SNX7: variants seen among roughly 807,000 people sequenced by gnomAD.
SNX7 encodes the protein sorting nexin 7, also known as sorting nexin-7.
SNX7 carries 35 observed loss-of-function variants against 48.4 expected under a neutral mutation model. The observed-to-expected ratio is 0.72, with a 90% CI of 0.55 to 0.96. The LOEUF (loss-of-function observed/expected upper bound fraction) is 0.96, where lower values mean the gene tolerates loss of function less well. Ranked by LOEUF, SNX7 falls within the 40% of genes least tolerant of loss-of-function variation. SNX7 has a pLI of 0.00. For missense variants in SNX7, 553 were observed against 548.9 expected, an observed-to-expected ratio of 1.01 and a Z score of -0.07; for synonymous variants, 190 against 190.2, an observed-to-expected ratio of 1.00 and a Z score of 0.01.
intron 7 of SNX7, among the ~76,000 whole-genome samples, chr1:98,720,789 C>T (rs1221351634): frequency 2.0e-5 from 3 of 152,024 alleles, no homozygotes; most frequent in Non-Finnish European, 4.4e-5. Flanking sequence ...ATTTGTTTTA[C>T]AGTATGTTGC....
At chr1:98,717,528 C>A (rs1652652961) in intron 7 of SNX7, among the ~76,000 whole-genome samples, 1 of 152,036 alleles carries the variant, frequency 6.6e-6, no homozygotes, top group African/African-American at 2.4e-5. Flanking sequence ...ATATCTAATC[C>A]CAGAACAATC....
At chr1:98,684,751 C>A in intron 1 of SNX7, 134 bp from the exon 2 acceptor site, 1 of 538,476 alleles carries the variant, frequency 1.9e-6, no homozygotes, top group Non-Finnish European at 3.0e-6. Context: ...AATACATGTT[C>A]AGTATACCAC....
At chr1:98,687,086 A>G (rs981909772) in intron 2 of SNX7, among the ~76,000 whole-genome samples, 1 of 152,140 alleles carries the variant, frequency 6.6e-6, no homozygotes, top group Non-Finnish European at 1.5e-5. Context: ...TTACTGTGTG[A>G]CTGCTTTGTG....
intron 1 of SNX7, among the ~76,000 whole-genome samples, chr1:98,666,973 A>G (rs887565880): frequency 2.6e-5 from 4 of 152,192 alleles, no homozygotes; most frequent in African/African-American, 9.7e-5. Context: ...TTTCATGTGA[A>G]GATGTCTGTA....
intron 8 of SNX7, among the ~76,000 whole-genome samples, chr1:98,752,908 A>G (rs1165237726): frequency 6.6e-6 from 1 of 152,006 alleles, no homozygotes; most frequent in African/African-American, 2.4e-5. Context: ...TTCCAAAATC[A>G]TCCTTCTACT....
intron 2 of SNX7, among the ~76,000 whole-genome samples, chr1:98,686,420 C>T (rs928340110): frequency 6.6e-6 from 1 of 152,134 alleles, no homozygotes; most frequent in Admixed American, 6.6e-5. Context: ...AAGTGCCTAA[C>T]ACACGATAAG....
chr1:98,676,496 T>C (rs1172123135), intron 1 of SNX7, among the ~76,000 whole-genome samples: 1 of 152,216 alleles, frequency 6.6e-6, no homozygotes, highest in African/African-American at 2.4e-5. Context: ...ACTATTGTTA[T>C]TCTTCTTTCT....
At chr1:98,661,618 G>C, upstream of SNX7, 1 of 974,902 alleles carries the variant, frequency 1.0e-6, no homozygotes, top group Non-Finnish European at 1.3e-6. Context: ...CAGCGGGCGA[G>C]GGGCTGGAGC....
At chr1:98,717,284 C>A (rs1201892460) in intron 7 of SNX7, among the ~76,000 whole-genome samples, 1 of 152,128 alleles carries the variant, frequency 6.6e-6, no homozygotes, top group South Asian at 2.1e-4. Flanking sequence ...TCACACAATA[C>A]AATGGGGTGT....
At position 98,738,288 on chromosome 1, in the gene SNX7, G is replaced by A. The variant is rs777802867; in HGVS notation, c.1177G>A (p.Ala393Thr). 4 of 1,613,492 alleles carry A rather than the reference G, an allele frequency of 2.5e-6. No individual in the cohort carries two copies. The East Asian group carries it at 6.7e-5, about 27-fold the overall frequency. Residue 393 changes from alanine (A) to threonine (T), a missense_variant, in exon 8 of 9, where the codon GCC becomes ACC. By Grantham distance (58) the Ala-to-Thr change is moderately conservative. Coordinates refer to ENST00000306121, the MANE Select transcript of SNX7 (RefSeq NM_015976.5). Reference sequence around the variant, plus strand: ...AGATAAAGTGGAATGTGCTAATAATGCCCTGAAAGCAGATTGGGAGAGATG... The same window carrying A: ...AGATAAAGTGGAATGTGCTAATAATACCCTGAAAGCAGATTGGGAGAGATG... ...LEDKVECANNALKADWERWKQ... is the reference protein window; with the variant it reads ...LEDKVECANNTLKADWERWKQ...
At chr1:98,735,030 C>T (rs1180052848) in intron 7 of SNX7, among the ~76,000 whole-genome samples, 12 of 152,148 alleles carry the variant, frequency 7.9e-5, no homozygotes, top group Admixed American at 7.9e-4. Flanking sequence ...TGAAACCCGA[C>T]ATCTGGTGTT....
At chr1:98,702,617 A>G (rs1052955872) in intron 7 of SNX7, among the ~76,000 whole-genome samples, 2 of 152,132 alleles carry the variant, frequency 1.3e-5, no homozygotes, top group African/African-American at 4.8e-5. Flanking sequence ...TGGAATAATT[A>G]TTCTCACTTT....
chr1:98,681,105 G>A (rs1650462897), intron 1 of SNX7, among the ~76,000 whole-genome samples: 1 of 152,212 alleles, frequency 6.6e-6, no homozygotes, highest in Admixed American at 6.5e-5. Flanking sequence ...CAATCATGGT[G>A]AAAAGCAAGG....
intron 1 of SNX7, among the ~76,000 whole-genome samples, chr1:98,665,101 A>G (rs979557169): frequency 6.6e-6 from 1 of 152,224 alleles, no homozygotes; most frequent in Non-Finnish European, 1.5e-5. Context: ...GATACAGTGT[A>G]TGTGATTAGG....
intron 7 of SNX7, among the ~76,000 whole-genome samples, chr1:98,714,892 G>A (rs763754796): frequency 5.9e-5 from 9 of 152,140 alleles, no homozygotes; most frequent in Admixed American, 2.0e-4. Context: ...GTGATTTGAT[G>A]TGTTACATGT....
At chr1:98,717,775 G>A (rs938513154) in intron 7 of SNX7, among the ~76,000 whole-genome samples, 3 of 152,000 alleles carry the variant, frequency 2.0e-5, no homozygotes, top group African/African-American at 7.2e-5. Flanking sequence ...TATGTCAGTG[G>A]TTCTCATAAG....
chr1:98,695,214 T>G (rs1373849426), intron 4 of SNX7, among the ~76,000 whole-genome samples: 1 of 152,220 alleles, frequency 6.6e-6, no homozygotes, highest in Non-Finnish European at 1.5e-5. Flanking sequence ...CCTTATCTCC[T>G]CTAGTATCTC....
intron 8 of SNX7, among the ~76,000 whole-genome samples, chr1:98,755,424 T>G (rs1654793519): frequency 6.6e-6 from 1 of 152,072 alleles, no homozygotes; most frequent in South Asian, 2.1e-4. Flanking sequence ...GTCTTTCTCC[T>G]TGTATTTCTG....
In SNX7 at chr1:98,680,049, T is replaced by C. The variant is rs1233170857; in HGVS notation, c.181-4836T>C. Among the ~76,000 whole-genome samples, 3 of 152,196 alleles carry C rather than the reference T, an allele frequency of 2.0e-5. No individual in the cohort carries two copies. In the East Asian group the frequency reaches 5.8e-4, roughly 29 times the overall value. On this transcript the variant is annotated intron_variant, in intron 1 of 8. Transcript: ENST00000306121. ...GCAGAGGTTCTCCATGAGAGCTCCA[T>C]CCCTATAGCAAACTTCTGACTGGAC...
Sources: allele counts gnomAD v4.1 joint callset (sites outside exome capture counted in the v4.1 genomes callset), GRCh38; gene constraint gnomAD v4.1.1; transcripts MANE v1.5; gene names NCBI Gene and HGNC (gene_info 2026-07-23, HGNC 2026-07-21).